Variants in ERBIN observed in about 807,000 individuals in gnomAD.
ERBIN encodes erbb2 interacting protein.
A neutral mutation model predicts 158.4 loss-of-function variants in ERBIN; 60 were observed. The ratio of observed to expected loss-of-function variants is 0.38; its 90% CI spans 0.31 to 0.47. The LOEUF is 0.47. ERBIN is among the 20% of genes least tolerant of loss of function. ERBIN has a pLI of 0.99. For synonymous variants in ERBIN, 594 were observed against 557.2 expected (o/e 1.07, Z -0.93); for missense variants, 1,610 against 1,648.0 (o/e 0.98, Z 0.40).
In ERBIN at chr5:66,050,957, C is replaced by A; in HGVS notation, c.2078C>A (p.Ser693Tyr). Residue 693 changes from serine (S) to tyrosine (Y), a missense_variant, in exon 20 of 26, where the codon TCC (serine) becomes TAC (tyrosine). Physicochemically the swap from Ser to Tyr is moderately radical, Grantham distance 144 (BLOSUM62 -2). Coordinates refer to ENST00000284037, the MANE Select transcript of ERBIN (RefSeq NM_001253697.2). Reference protein sequence around the residue: ...PVKQTHIDINSKIRQEDENFN... With the variant: ...PVKQTHIDINYKIRQEDENFN... ...AAACAAACTCATATTGATATTAATT[C>A]CAAAATCAGGTGTGTGAACCTCTTT... The A allele has an allele frequency of 6.3e-7, 1 of 1,598,906 alleles. No homozygotes were observed. Among genetic ancestry groups the A allele is most frequent in the Non-Finnish European group, 8.5e-7 (1 of 1,174,774 alleles).
At chr5:66,008,001 C>A (rs1753805518) in intron 4 of ERBIN, among the ~76,000 whole-genome samples, 1 of 152,070 alleles carries the variant, frequency 6.6e-6, no homozygotes, top group Admixed American at 6.6e-5. Flanking sequence ...TTGCTTAGGG[C>A]AAAATTACTA....
intron 1 of ERBIN, among the ~76,000 whole-genome samples, chr5:65,951,333 T>G (rs1746480151): frequency 6.6e-6 from 1 of 152,260 alleles, no homozygotes. Flanking sequence ...TTTAGCTTTG[T>G]TCTCTACCTC....
rs528628785 is a variant in ERBIN, at chr5:65,976,239, T to A, written c.-57-12396T>A. Among the ~76,000 whole-genome samples the A allele has an allele frequency of 4.6e-5, 7 of 152,334 alleles. No individual in the cohort carries two copies. In the South Asian group the frequency reaches 1.4e-3, roughly 32 times the overall value. Reference sequence around the variant, plus strand: ...CTATAATCCCAGCACTTTGGGAAGCTGAGGTGCTTGGATCACTTGAGGCCA... The same window carrying A: ...CTATAATCCCAGCACTTTGGGAAGCAGAGGTGCTTGGATCACTTGAGGCCA... On this transcript the variant is annotated intron_variant, in intron 1 of 25. Coordinates refer to ENST00000284037, the MANE Select transcript of ERBIN (RefSeq NM_001253697.2).
intron 7 of ERBIN, 127 bp from the exon 8 acceptor site, chr5:66,021,195 T>C: frequency 2.1e-6 from 1 of 486,480 alleles, no homozygotes. Flanking sequence ...ATTAATATTT[T>C]TATTTTGTCA....
At chr5:65,964,954 T>G (rs1402283408) in intron 1 of ERBIN, among the ~76,000 whole-genome samples, 2 of 131,240 alleles carry the variant, frequency 1.5e-5, no homozygotes, top group African/African-American at 7.3e-5. Flanking sequence ...GTAATTTTTT[T>G]TTTTTTTTTT....
chr5:66,067,791 G>C (rs987469495), intron 21 of ERBIN, among the ~76,000 whole-genome samples: 2 of 152,052 alleles, frequency 1.3e-5, no homozygotes, highest in African/African-American at 4.8e-5. Context: ...GCCTGGGCAA[G>C]GTGGTGAGAC....
intron 21 of ERBIN, among the ~76,000 whole-genome samples, chr5:66,061,387 A>G (rs1446544479): frequency 6.6e-6 from 1 of 150,982 alleles, no homozygotes; most frequent in Non-Finnish European, 1.5e-5. Flanking sequence ...TTTGTTTTCC[A>G]TTTGCTTGGT....
chr5:66,044,193 C>A lies in ERBIN; in HGVS notation c.1485C>A (p.Val495=). 1.2e-6 allele frequency: 2 copies of A among 1,607,958 alleles called. No individual in the cohort carries two copies. The highest frequency in any genetic ancestry group is 1.1e-5 in the South Asian group (1 of 89,508). The change falls in exon 17 of 26, where the codon GTC becomes GTA. Residue 495 remains valine, a synonymous_variant. Transcript: ENST00000284037. The part of the protein sequence containing the change: ...TPYPDELKNM[V]KTVQTIVHRL... ...ACCCAGATGAGCTTAAGAATATGGT[C>A]AAAACTGTTCAAACCATTGTACATA...
At chr5:65,941,080 G>T (rs993163407) in intron 1 of ERBIN, among the ~76,000 whole-genome samples, 2 of 152,076 alleles carry the variant, frequency 1.3e-5, no homozygotes, top group African/African-American at 4.8e-5. Context: ...ATTAATGGTG[G>T]TGCAAGATGT....
At position 66,044,171 on chromosome 5, in the gene ERBIN, C is replaced by A; in HGVS notation, c.1463C>A (p.Pro488Gln). Residue 488 changes from proline to glutamine, a missense_variant, in exon 17 of 26, where the codon CCA becomes CAA. Around this residue, in one of 2 missense-constraint regions of ERBIN, gnomAD observed 596 missense variants for 711.9 expected, o/e 0.84. Coordinates refer to ENST00000284037, the MANE Select transcript of ERBIN (RefSeq NM_001253697.2). ...TTAAAAAGATATCCAACACCATACC[C>A]AGATGAGCTTAAGAATATGGTCAAA... ...GNLKRYPTPY[P>Q]DELKNMVKTV... The A allele has an allele frequency of 6.3e-7, 1 of 1,589,094 alleles. No homozygotes were observed. The highest frequency in any genetic ancestry group is 1.2e-5 in the South Asian group (1 of 85,448).
At chr5:65,974,208 G>A (rs932331443) in intron 1 of ERBIN, among the ~76,000 whole-genome samples, 1 of 152,072 alleles carries the variant, frequency 6.6e-6, no homozygotes, top group African/African-American at 2.4e-5. Context: ...TTTCTCAATA[G>A]GTATATTGAC....
At chr5:66,062,892 C>T (rs1174804731) in intron 21 of ERBIN, among the ~76,000 whole-genome samples, 1 of 152,192 alleles carries the variant, frequency 6.6e-6, no homozygotes, top group African/African-American at 2.4e-5. Flanking sequence ...CCTGATCATT[C>T]CTCTGGAAGT....
intron 4 of ERBIN, among the ~76,000 whole-genome samples, chr5:66,007,403 C>T (rs7707993): frequency 1.5e-5 from 2 of 132,330 alleles, no homozygotes; most frequent in Non-Finnish European, 3.3e-5. Flanking sequence ...GTTGGGGGAG[C>T]GGGGAGGGGA....
chr5:66,038,723 ATAACT>A (rs1757642161), intron 15 of ERBIN, among the ~76,000 whole-genome samples: 1 of 152,088 alleles, frequency 6.6e-6, no homozygotes, highest in Non-Finnish European at 1.5e-5. Flanking sequence ...GTTAAAATTG[ATAACT>A]TAAAAACATT....
intron 4 of ERBIN, among the ~76,000 whole-genome samples, chr5:66,001,128 G>A (rs1236945131): frequency 2.0e-5 from 3 of 151,994 alleles, no homozygotes; most frequent in Non-Finnish European, 4.4e-5. Context: ...AGAAAGGTTA[G>A]TACATTTAAG....
At chr5:65,989,449 A>G (rs1751630246) in intron 2 of ERBIN, among the ~76,000 whole-genome samples, 1 of 152,204 alleles carries the variant, frequency 6.6e-6, no homozygotes, top group African/African-American at 2.4e-5. Context: ...CTCTATTCAC[A>G]GAAAGTTTTC....
At chr5:65,944,265 T>G (rs1018295371) in intron 1 of ERBIN, among the ~76,000 whole-genome samples, 9 of 151,490 alleles carry the variant, frequency 5.9e-5, no homozygotes, top group Admixed American at 1.3e-4. Flanking sequence ...GCTCTACCAC[T>G]GTATATTTCC....
chr5:66,028,088 A>C (rs1756468049), intron 13 of ERBIN, among the ~76,000 whole-genome samples, 186 bp from the exon 14 acceptor site: 1 of 152,134 alleles, frequency 6.6e-6, no homozygotes, highest in African/African-American at 2.4e-5. Flanking sequence ...ACTAATTCTT[A>C]TAAAACTAGA....
intron 1 of ERBIN, among the ~76,000 whole-genome samples, chr5:65,947,342 G>A (rs977399394): frequency 1.3e-5 from 2 of 152,248 alleles, no homozygotes; most frequent in African/African-American, 4.8e-5. Context: ...AGATTCTCCT[G>A]CCTCCGTCTC....
Sources: allele counts gnomAD v4.1 joint callset (sites outside exome capture counted in the v4.1 genomes callset), GRCh38; gene constraint gnomAD v4.1.1; regional missense constraint gnomAD v4.1.1; transcripts MANE v1.5; gene names NCBI Gene and HGNC (gene_info 2026-07-23, HGNC 2026-07-21).